Variants in EYS observed in about 807,000 individuals in gnomAD.
EYS encodes protein eyes shut homolog.
Under a neutral mutation model 282.1 loss-of-function variants are expected in EYS, and 250 were observed. That is an observed-to-expected ratio of 0.89 (90% confidence interval 0.80 to 0.98). EYS has a LOEUF of 0.98. Among genes scored for constraint, EYS ranks in the 50% least tolerant of loss-of-function variants. EYS has a pLI of 0.00. For synonymous variants in EYS, 1,355 were observed against 1,282.9 expected, an observed-to-expected ratio of 1.06 and a Z score of -1.20; for missense variants, 4,016 against 3,709.0, an observed-to-expected ratio of 1.08 and a Z score of -2.15.
At chr6:65,236,987 G>T (rs1035905478) in intron 12 of EYS, among the ~76,000 whole-genome samples, 10 of 152,102 alleles carry the variant, frequency 6.6e-5, no homozygotes, top group African/African-American at 2.4e-4. Flanking sequence ...GTATAAGGTC[G>T]TAGATGTGCT....
chr6:64,515,298 C>A (rs976619869), intron 26 of EYS, among the ~76,000 whole-genome samples: 2 of 151,590 alleles, frequency 1.3e-5, no homozygotes, highest in African/African-American at 2.4e-5. Context: ...AAGAAAATAT[C>A]TTGACTAAGC....
chr6:65,515,244 C>A (rs1329824817), intron 2 of EYS, among the ~76,000 whole-genome samples: 1 of 151,580 alleles, frequency 6.6e-6, no homozygotes, highest in Non-Finnish European at 1.5e-5. Flanking sequence ...CAATGAGATA[C>A]CATCTCACAC....
chr6:65,296,848 C>T (rs1768680909), intron 11 of EYS, among the ~76,000 whole-genome samples: 1 of 151,610 alleles, frequency 6.6e-6, no homozygotes, highest in South Asian at 2.1e-4. Context: ...AAATAGTCTG[C>T]AATTTATGTA....
intron 2 of EYS, among the ~76,000 whole-genome samples, chr6:65,541,243 T>C (rs975967277): frequency 6.6e-6 from 1 of 152,142 alleles, no homozygotes; most frequent in Non-Finnish European, 1.5e-5. Flanking sequence ...ACAAATTGTA[T>C]ACTGATTGTA....
chr6:64,239,465 A>G (rs1207951332), intron 30 of EYS, among the ~76,000 whole-genome samples: 1 of 152,200 alleles, frequency 6.6e-6, no homozygotes, highest in Non-Finnish European at 1.5e-5. Flanking sequence ...GTGAGATGGT[A>G]TCTCATTGTG....
chr6:65,056,166 GC>G (rs1446372899), intron 13 of EYS, among the ~76,000 whole-genome samples: 5 of 151,794 alleles, frequency 3.3e-5, no homozygotes, highest in Admixed American at 3.3e-4. Flanking sequence ...AATCATTCTA[GC>G]TTTGATCATT....
At chr6:64,232,090 A>C (rs1766440516) in intron 30 of EYS, among the ~76,000 whole-genome samples, 1 of 152,110 alleles carries the variant, frequency 6.6e-6, no homozygotes, top group Admixed American at 6.6e-5. Flanking sequence ...TGAAATAGAT[A>C]ATTTATATTT....
chr6:64,874,594 G>A (rs906282447), intron 19 of EYS, among the ~76,000 whole-genome samples: 5 of 152,152 alleles, frequency 3.3e-5, no homozygotes, highest in African/African-American at 1.2e-4. Flanking sequence ...ATTTTAGGAA[G>A]TAAAATTGAG....
At chr6:65,478,800 G>C (rs1765497157) in intron 5 of EYS, among the ~76,000 whole-genome samples, 1 of 152,044 alleles carries the variant, frequency 6.6e-6, no homozygotes, top group African/African-American at 2.4e-5. Context: ...AAAAGAAAAA[G>C]AGAGAGAGAA....
chr6:65,258,366 T>C (rs1767528528), intron 12 of EYS, among the ~76,000 whole-genome samples: 1 of 152,186 alleles, frequency 6.6e-6, no homozygotes. Flanking sequence ...TTCCCTGTGA[T>C]ATAGGTAATC....
In EYS at chr6:65,694,612, T is replaced by A. The variant is rs569868428; in HGVS notation, c.-448+12523A>T. On this transcript the variant is annotated intron_variant, in intron 1 of 42. Coordinates refer to ENST00000503581, the MANE Select transcript of EYS (RefSeq NM_001142800.2). ...TAAATATAGTTAACAGTGTACTTTC[T>A]GGGGTCAGCCTGCCTGACTTGGAAT... Among the ~76,000 whole-genome samples, 6 of 149,846 alleles carry A rather than the reference T, an allele frequency of 4.0e-5. 1 individual carries two copies. Among genetic ancestry groups the A allele is most frequent in the Non-Finnish European group, 8.9e-5 (6 of 67,684 alleles).
intron 22 of EYS, among the ~76,000 whole-genome samples, chr6:64,658,361 C>T (rs1269772192): frequency 6.6e-6 from 1 of 152,182 alleles, no homozygotes; most frequent in Non-Finnish European, 1.5e-5. Flanking sequence ...TCATCAAAGT[C>T]ATTCTCCGTC....
intron 2 of EYS, among the ~76,000 whole-genome samples, chr6:65,546,319 T>G (rs1768384082): frequency 1.5e-5 from 1 of 66,314 alleles, no homozygotes; most frequent in Admixed American, 1.9e-4. Flanking sequence ...GTTCAGCCTA[T>G]AATTTTTTTT....
chr6:64,653,835 G>A (rs1768652512), intron 22 of EYS, among the ~76,000 whole-genome samples: 1 of 151,650 alleles, frequency 6.6e-6, no homozygotes, highest in Non-Finnish European at 1.5e-5. Context: ...AGAATGCTTG[G>A]ATGACAGGAA....
chr6:65,032,527 G>C (rs1277336722), intron 13 of EYS, among the ~76,000 whole-genome samples: 1 of 152,062 alleles, frequency 6.6e-6, no homozygotes, highest in Non-Finnish European at 1.5e-5. Context: ...TCTTTCTCTT[G>C]CTCCTGCTTT....
At chr6:65,376,835 T>C (rs543047597) in intron 8 of EYS, among the ~76,000 whole-genome samples, 2 of 152,268 alleles carry the variant, frequency 1.3e-5, no homozygotes, top group South Asian at 2.1e-4. Flanking sequence ...ATCCTAAATA[T>C]ATATGCACCC....
At chr6:64,964,217 T>C (rs956225640) in intron 14 of EYS, among the ~76,000 whole-genome samples, 3 of 152,094 alleles carry the variant, frequency 2.0e-5, no homozygotes, top group African/African-American at 7.2e-5. Flanking sequence ...GCTCTCGATA[T>C]GTATTCATGT....
intron 35 of EYS, among the ~76,000 whole-genome samples, chr6:63,923,178 T>A (rs760858084): frequency 1.3e-5 from 2 of 152,236 alleles, no homozygotes; most frequent in Non-Finnish European, 2.9e-5. Context: ...ATTGTACTTT[T>A]ATTTTTTTAG....
At chr6:65,309,592 T>A (rs531471854) in intron 11 of EYS, among the ~76,000 whole-genome samples, 2,415 of 152,254 alleles carry the variant, frequency 0.016, 52 homozygotes, top group African/African-American at 0.055. Flanking sequence ...CTAGTAGACA[T>A]TAATCAGCTC....
Sources: allele counts gnomAD v4.1 joint callset (sites outside exome capture counted in the v4.1 genomes callset), GRCh38; gene constraint gnomAD v4.1.1; transcripts MANE v1.5; gene names NCBI Gene and HGNC (gene_info 2026-07-23, HGNC 2026-07-21).